Variants in COL7A1 observed in about 807,000 individuals in gnomAD.
COL7A1 encodes collagen type VII alpha 1 chain.
In COL7A1, 296 loss-of-function variants were observed where a neutral mutation model predicts 456.2. The ratio of observed to expected loss-of-function variants is 0.65; its 90% CI spans 0.59 to 0.71. The LOEUF is 0.71. Ranked by LOEUF, COL7A1 falls within the 30% of genes least tolerant of loss-of-function variation. The probability of loss-of-function intolerance (pLI) is 0.00; values close to 1 mark genes in which losing one functional copy is unlikely to be tolerated. For synonymous variants in COL7A1, 1,464 were observed against 1,525.9 expected (o/e 0.96, Z 0.95); for missense variants, 3,441 against 4,017.2 (o/e 0.86, Z 3.88).
chr3:48,582,951 G>T, intron 44 of COL7A1, 62 bp downstream of exon 44: 1 of 1,612,970 alleles, frequency 6.2e-7, no homozygotes, highest in Non-Finnish European at 8.5e-7. Flanking sequence ...AGGGCAAGAA[G>T]TCAGAACCAG....
chr3:48,589,785 G>A, intron 16 of COL7A1, 67 bp from the exon 17 acceptor site: 1 of 1,608,962 alleles, frequency 6.2e-7, no homozygotes, highest in Non-Finnish European at 8.5e-7. Context: ...TCTGATAGGG[G>A]AAGATGATGG....
In COL7A1 at chr3:48,595,134, G is replaced by T; in HGVS notation, c.26C>A (p.Ala9Glu). Residue 9 changes from alanine to glutamate, a missense_variant, in exon 2 of 119, where the codon GCG becomes GAG. Ala to Glu is a moderately radical substitution (Grantham distance 107, BLOSUM62 -1). Transcript: ENST00000681320. ...CTCTGCCAGGATCCCGGCGCAGAGCGCGGCCACCAGAAGCCGCAGCGTCAT... is the reference window on the plus strand; with the variant it reads ...CTCTGCCAGGATCCCGGCGCAGAGCTCGGCCACCAGAAGCCGCAGCGTCAT... MTLRLLVA[A>E]LCAGILAEAP... is the part of the protein sequence containing the mutation. The T allele has an allele frequency of 6.4e-7, 1 of 1,553,470 alleles. No homozygotes were observed. The highest frequency in any genetic ancestry group is 8.7e-7 in the Non-Finnish European group (1 of 1,148,806).
Position 48,569,822 on chromosome 3 carries a change from TATC to T in COL7A1, c.7521+55_7521+57del. The T allele has an allele frequency of 6.2e-7, 1 of 1,614,062 alleles. No homozygotes were observed. The highest frequency in any genetic ancestry group is 8.5e-7 in the Non-Finnish European group (1 of 1,179,972). On this transcript the variant is annotated intron_variant, in intron 100 of 118. Coordinates refer to ENST00000681320, the MANE Select transcript of COL7A1 (RefSeq NM_000094.4). The surrounding 1 kb of genome is among the most constrained non-coding windows in gnomAD (Gnocchi z 4.9). Reference sequence around the variant, plus strand: ...GGGAGGCCCCGCACCTGAATTCTAATATCATACAAGATCCACTCACCCCCCCAC... The same window carrying T: ...GGGAGGCCCCGCACCTGAATTCTAATATACAAGATCCACTCACCCCCCCAC...
chr3:48,577,905 C>T (rs1207693589), intron 65 of COL7A1, among the ~76,000 whole-genome samples: 2 of 152,210 alleles, frequency 1.3e-5, no homozygotes, highest in East Asian at 1.9e-4. Context: ...CAATGGCTCA[C>T]GCCTGTAATC....
At position 48,572,106 on chromosome 3, in the gene COL7A1, C is replaced by T. The variant is rs1176758724; in HGVS notation, c.7023+21G>A. ...AGCCTTCTCTGCTCAGTAGTCAGGC[C>T]CCAGGGCCAACCCACCTCACCTTCT... On this transcript the variant is annotated intron_variant, in intron 91 of 118. Transcript: ENST00000681320. This position sits in a 1 kb window ranked among gnomAD's most constrained non-coding sequence, Gnocchi z 4.6. 1 of 1,613,940 alleles carries T rather than the reference C, an allele frequency of 6.2e-7. No homozygotes were observed. The highest frequency in any genetic ancestry group is 1.7e-5 in the Admixed American group (1 of 60,006).
rs376090628 is a variant in COL7A1 at position 48,587,243 on chromosome 3, G to T, written c.3086C>A (p.Thr1029Lys). ...EPGVSYIFSL[T>K]PVLDGVRGPE... ...ACCCCGCACACCATCCAGGACAGGC[G>T]TCAGGGAGAAGATGTAAGAGACGCC... The change falls in exon 24 of 119, where the codon ACG (threonine) becomes AAG (lysine). Residue 1029 changes from threonine (T) to lysine (K), a missense_variant. By Grantham distance (78) the Thr-to-Lys change is moderately conservative. This residue lies in a region of COL7A1 where 444 missense variants were observed against 427.6 expected (regional missense o/e 1.04). Transcript: ENST00000681320. The surrounding 1 kb of genome is among the most constrained non-coding windows in gnomAD (Gnocchi z 6.1). 6.2e-7 allele frequency: 1 copy of T among 1,613,354 alleles called. No individual in the cohort carries two copies. Among genetic ancestry groups the T allele is most frequent in the African/African-American group, 1.3e-5 (1 of 75,026 alleles).
Position 48,585,780 on chromosome 3 carries a change from C to T in COL7A1, c.3787-46G>A, listed in dbSNP as rs1156496537. ...GACCTGTGCTGCCAACCTCTCCTGC[C>T]CCACTGACACTCAACCCATTCTCTA... On this transcript the variant is annotated intron_variant, in intron 30 of 118. Transcript: ENST00000681320. This position sits in a 1 kb window ranked among gnomAD's most constrained non-coding sequence, Gnocchi z 4.5. 2 of 1,614,062 alleles carry T rather than the reference C, an allele frequency of 1.2e-6. No individual in the cohort carries two copies. The highest frequency in any genetic ancestry group is 4.5e-5 in the East Asian group (2 of 44,878).
Position 48,580,950 on chromosome 3 carries a change from A to G in COL7A1, c.4936-24T>C, listed in dbSNP as rs754906558. 6.2e-7 allele frequency: 1 copy of G among 1,613,826 alleles called. No individual in the cohort carries two copies. The highest frequency in any genetic ancestry group is 2.2e-5 in the East Asian group (1 of 44,872). On this transcript the variant is annotated intron_variant, in intron 53 of 118. Coordinates refer to ENST00000681320, the MANE Select transcript of COL7A1 (RefSeq NM_000094.4). This position sits in a 1 kb window ranked among gnomAD's most constrained non-coding sequence, Gnocchi z 4.5. ...CCCTGGTGATAGAGAGAAAAGTCAT[A>G]CTGCACAGGGCAGTCAGGATCTAAC...
intron 18 of COL7A1, 34 bp downstream of exon 18, chr3:48,589,293 C>T (rs374863342): frequency 1.4e-5 from 23 of 1,611,184 alleles, no homozygotes; most frequent in Middle Eastern, 4.1e-4. Context: ...GTAGCTAATG[C>T]GGTGTGGCTA....
At position 48,575,371 on chromosome 3, in the gene COL7A1, C is replaced by T; in HGVS notation, c.6148G>A (p.Gly2050Ser). ...GIPGLPGRAG[G>S]VGEAGRPGER... ...CCTGGCCTTCCTGCCTCTCCCACACCCCCAGCCCTGCCTGGGAGCCCGGGA... is the reference window on the plus strand; with the variant it reads ...CCTGGCCTTCCTGCCTCTCCCACACTCCCAGCCCTGCCTGGGAGCCCGGGA... The change falls in exon 74 of 119, where the codon GGT (glycine) becomes AGT (serine). Residue 2050 changes from glycine to serine, a missense_variant. By Grantham distance (56) the Gly-to-Ser change is moderately conservative. Transcript: ENST00000681320. The surrounding 1 kb of genome is among the most constrained non-coding windows in gnomAD (Gnocchi z 6.3). 6.2e-7 allele frequency: 1 copy of T among 1,612,276 alleles called. No homozygotes were observed. Among genetic ancestry groups the T allele is most frequent in the Non-Finnish European group, 8.5e-7 (1 of 1,179,374 alleles).
Position 48,589,399 on chromosome 3 carries a change from C to T in COL7A1, c.2242G>A (p.Glu748Lys), listed in dbSNP as rs148411473. 2,897 of 1,613,730 alleles carry T rather than the reference C, an allele frequency of 1.8e-3. 44 individuals carry two copies. In the South Asian group the frequency reaches 0.018, roughly 10 times the overall value. The stretch of plus-strand genomic sequence containing the variant: ...TGGGCCCTCACATGCACCGTATACT[C>T]AGTATCTGGCTCCAGTCCATCCAGC... ...AELDGLEPDT[E>K]YTVHVRAHVA... The change falls in exon 18 of 119, where the codon GAG becomes AAG. Residue 748 changes from glutamate to lysine, a missense_variant. Transcript: ENST00000681320.
At position 48,576,710 on chromosome 3, in the gene COL7A1, G is replaced by A. The variant is rs1187883542; in HGVS notation, c.5666C>T (p.Pro1889Leu). 1.2e-6 allele frequency: 2 copies of A among 1,609,768 alleles called. No homozygotes were observed. Among genetic ancestry groups the A allele is most frequent in the Non-Finnish European group, 1.7e-6 (2 of 1,178,480 alleles). ...AGGGCCCACTGGCCCTGGGAGGCCT[G>A]GAGGCCCCTGGGGTCCAAGGATACC... Reference protein sequence around the residue: ...APGILGPQGPPGLPGPVGPPG... With the variant: ...APGILGPQGPLGLPGPVGPPG... The change falls in exon 68 of 119, where the codon CCA (proline) becomes CTA (leucine). Residue 1889 changes from proline to leucine, a missense_variant. Pro to Leu is a moderately conservative substitution (Grantham distance 98, BLOSUM62 -3). Transcript: ENST00000681320.
chr3:48,582,412 A>G (rs374840692), intron 46 of COL7A1, 54 bp from the exon 47 acceptor site: 156 of 1,613,964 alleles, frequency 9.7e-5, no homozygotes, highest in Non-Finnish European at 1.2e-4. Context: ...TAGGAGCCCA[A>G]AATCCCAGTG....
chr3:48,589,191 T>C (rs1354270375), intron 18 of COL7A1, 136 bp downstream of exon 18: 5 of 1,460,534 alleles, frequency 3.4e-6, no homozygotes, highest in Admixed American at 3.6e-5. Flanking sequence ...GGTGGACACT[T>C]AATCAGTGTG....
chr3:48,586,287 GCCA>G lies in COL7A1; in HGVS notation c.3550+42_3551-42del, dbSNP rs1442015428. On this transcript the variant is annotated intron_variant, in intron 27 of 118. Coordinates refer to ENST00000681320, the MANE Select transcript of COL7A1 (RefSeq NM_000094.4). This position sits in a 1 kb window ranked among gnomAD's most constrained non-coding sequence, Gnocchi z 5.1. ...GTGGCTGCATGATAGCCTTTTCAGG[GCCA>G]CCCCTATTCCCAGACCCCTTCCCCA... 1 of 1,613,666 alleles carries G rather than the reference GCCA, an allele frequency of 6.2e-7. No homozygotes were observed. Among genetic ancestry groups the G allele is most frequent in the Middle Eastern group, 1.6e-4 (1 of 6,062 alleles).
Position 48,581,001 on chromosome 3 carries a change from G to A in COL7A1, c.4936-75C>T. ...TCACTCAGGGAGAGGGGACAGAGAA[G>A]GGTCTGAGCAGCAGCTGGACAGGAG... On this transcript the variant is annotated intron_variant, in intron 53 of 118. Coordinates refer to ENST00000681320, the MANE Select transcript of COL7A1 (RefSeq NM_000094.4). This position sits in a 1 kb window ranked among gnomAD's most constrained non-coding sequence, Gnocchi z 5.8. The A allele has an allele frequency of 1.2e-6, 2 of 1,604,820 alleles. No individual in the cohort carries two copies. The highest frequency in any genetic ancestry group is 1.7e-6 in the Non-Finnish European group (2 of 1,172,696).
In COL7A1 at chr3:48,588,358, G is replaced by A. The variant is rs201412774; in HGVS notation, c.2634C>T (p.Arg878=). ...PALGTLHVVQ[R]GEHSLRLRWE... is the part of the protein sequence containing the mutation. ...AGCGCAGCCTCAGCGAGTGCTCCCC[G>A]CGCTGCACCACGTGAAGCGTCCCCA... Residue 878 remains arginine, a synonymous_variant, in exon 21 of 119, where the codon CGC becomes CGT. Transcript: ENST00000681320. The surrounding 1 kb of genome is among the most constrained non-coding windows in gnomAD (Gnocchi z 4.6). 2.3e-4 allele frequency: 373 copies of A among 1,612,394 alleles called. 2 individuals are homozygous for A. The Middle Eastern group carries it at 5.4e-3, about 24-fold the overall frequency.
At position 48,586,196 on chromosome 3, in the gene COL7A1, G is replaced by A. The variant is rs755769656; in HGVS notation, c.3601C>T (p.Arg1201Cys). The change falls in exon 28 of 119, where the codon CGT (arginine) becomes TGT (cysteine). Residue 1201 changes from arginine to cysteine, a missense_variant. By Grantham distance (180) the Arg-to-Cys change is radical. Coordinates refer to ENST00000681320, the MANE Select transcript of COL7A1 (RefSeq NM_000094.4). This position sits in a 1 kb window ranked among gnomAD's most constrained non-coding sequence, Gnocchi z 5.1. ...GMAGADPEQL[R>C]RLAPGMDSVQ... Reference sequence around the variant, plus strand: ...GAGTCCATACCCGGCGCCAAGCGACGCAGCTGCTCTGGGTCCGCTCCAGCC... The same window carrying A: ...GAGTCCATACCCGGCGCCAAGCGACACAGCTGCTCTGGGTCCGCTCCAGCC... 10 of 1,613,236 alleles carry A rather than the reference G, an allele frequency of 6.2e-6. No homozygotes were observed. The highest frequency in any genetic ancestry group is 2.2e-5 in the South Asian group (2 of 91,090).
In COL7A1 at chr3:48,564,074, C is replaced by G; in HGVS notation, c.*332G>C. ...TCTTCCCAAACAGTCACAACAGGAG[C>G]CTTTTAAAACAGCAGCTTTAATGCC... On this transcript the variant is annotated 3_prime_UTR_variant, in exon 119 of 119. Transcript: ENST00000681320. The surrounding 1 kb of genome is among the most constrained non-coding windows in gnomAD (Gnocchi z 6.0). 1 of 429,214 alleles carries G rather than the reference C, an allele frequency of 2.3e-6. No individual in the cohort carries two copies. Among genetic ancestry groups the G allele is most frequent in the Non-Finnish European group, 4.4e-6 (1 of 228,188 alleles). 26.6% of individuals were successfully genotyped at this position (429,214 alleles called of 1,614,324 possible). A position where few individuals can be genotyped will look rare whatever the true frequency, so the allele number is the denominator to read the frequency against.
Sources: allele counts gnomAD v4.1 joint callset (sites outside exome capture counted in the v4.1 genomes callset), GRCh38; gene constraint gnomAD v4.1.1; regional missense constraint gnomAD v4.1.1; non-coding constraint Gnocchi (gnomAD v3.1); transcripts MANE v1.5; gene names NCBI Gene and HGNC (gene_info 2026-07-23, HGNC 2026-07-21).